FAAH2: variants seen among roughly 807,000 people sequenced by gnomAD.
The protein encoded by FAAH2 is fatty-acid amide hydrolase 2.
FAAH2 carries 60 observed loss-of-function variants against 36.9 expected under a neutral mutation model. That is an observed-to-expected ratio of 1.63 (90% CI 1.32 to 2.02). FAAH2 has a LOEUF of 2.02. Among genes scored for constraint, FAAH2 ranks in the 30% most tolerant of loss-of-function variants. The probability of loss-of-function intolerance (pLI) is 0.00; values close to 1 mark genes in which losing one functional copy is unlikely to be tolerated. For missense variants in FAAH2, 689 were observed against 397.5 expected, an observed-to-expected ratio of 1.73 and a Z score of -6.23; for synonymous variants, 214 against 143.8, an observed-to-expected ratio of 1.49 and a Z score of -3.49.
At chrX:57,139,841 C>A in the FAAH2 span, among the ~76,000 whole-genome samples, 2 of 111,581 alleles carry the variant, frequency 1.8e-5, no homozygotes, top group African/African-American at 6.5e-5. Flanking sequence ...CCATTCTGAT[C>A]CTTCTGTAGC....
the FAAH2 span, among the ~76,000 whole-genome samples, chrX:57,231,863 T>G: frequency 1.5e-4 from 17 of 111,665 alleles, no homozygotes; most frequent in South Asian, 7.5e-4. Context: ...CATTAGAGGT[T>G]GTAGGTTAAA....
chrX:57,170,343 A>G, the FAAH2 span, among the ~76,000 whole-genome samples: 1 of 111,947 alleles, frequency 8.9e-6, no homozygotes, highest in Admixed American at 9.5e-5. Context: ...CTATTGTATG[A>G]CTATACCAAT....
At chrX:57,359,009 A>G (rs1438032569) in intron 5 of FAAH2, among the ~76,000 whole-genome samples, 2 of 111,324 alleles carry the variant, frequency 1.8e-5, no homozygotes, top group Non-Finnish European at 3.8e-5. Flanking sequence ...CATCACCTGT[A>G]GCATTTATCC....
the FAAH2 span, among the ~76,000 whole-genome samples, chrX:57,201,577 G>T: frequency 8.9e-6 from 1 of 111,791 alleles, no homozygotes; most frequent in African/African-American, 3.3e-5. Flanking sequence ...AATTAATCTT[G>T]TGATTAAGTT....
the FAAH2 span, among the ~76,000 whole-genome samples, chrX:57,159,435 T>A: frequency 3.6e-5 from 4 of 111,777 alleles, no homozygotes; most frequent in East Asian, 5.6e-4. Flanking sequence ...TTGGGCATTA[T>A]GGCCATTTTC....
the FAAH2 span, among the ~76,000 whole-genome samples, chrX:57,246,856 C>A: frequency 9.0e-6 from 1 of 111,327 alleles, no homozygotes; most frequent in Admixed American, 9.6e-5. Flanking sequence ...TGCATCACTG[C>A]AATTTTTAGT....
At chrX:57,196,547 C>A in the FAAH2 span, among the ~76,000 whole-genome samples, 3 of 111,408 alleles carry the variant, frequency 2.7e-5, no homozygotes, top group East Asian at 5.6e-4. Context: ...TCTGGATACC[C>A]TTTATTTCTT....
the FAAH2 span, among the ~76,000 whole-genome samples, chrX:57,244,911 C>T: frequency 9.9e-5 from 11 of 110,924 alleles, no homozygotes; most frequent in South Asian, 4.2e-3. Flanking sequence ...GGTTAAATGC[C>T]CCAGTTAAAA....
intron 4 of FAAH2, among the ~76,000 whole-genome samples, chrX:57,337,396 A>C (rs1230946019): frequency 9.0e-6 from 1 of 111,397 alleles, no homozygotes. Flanking sequence ...TTTTTTTCTA[A>C]CTCATTTTAT....
intron 10 of FAAH2, among the ~76,000 whole-genome samples, chrX:57,471,066 CAAT>C (rs1434835654): frequency 8.9e-6 from 1 of 111,779 alleles, no homozygotes; most frequent in East Asian, 2.8e-4. Flanking sequence ...TAAAAACTCT[CAAT>C]AAATCAGATA....
the FAAH2 span, among the ~76,000 whole-genome samples, chrX:57,229,905 C>T: frequency 9.0e-6 from 1 of 111,647 alleles, no homozygotes; most frequent in African/African-American, 3.3e-5. Context: ...TTCAATATCC[C>T]TGTAGATAAG....
At chrX:57,247,993 G>C in the FAAH2 span, among the ~76,000 whole-genome samples, 1 of 112,042 alleles carries the variant, frequency 8.9e-6, no homozygotes, top group Non-Finnish European at 1.9e-5. Context: ...GAAATTTTCA[G>C]ATCATTTATT....
the FAAH2 span, among the ~76,000 whole-genome samples, chrX:57,149,823 G>T: frequency 9.0e-6 from 1 of 111,048 alleles, no homozygotes; most frequent in Admixed American, 9.6e-5. Flanking sequence ...GTTTGCTCTT[G>T]CTTTTCTACT....
chrX:57,465,940 A>C (rs1020885886), intron 10 of FAAH2, among the ~76,000 whole-genome samples: 1 of 109,839 alleles, frequency 9.1e-6, no homozygotes, highest in African/African-American at 3.3e-5. Flanking sequence ...TAACAAGAAA[A>C]TGACACTCAA....
rs2052472942 is a variant in FAAH2, at chrX:57,304,804, A to C, written c.276-5789A>C. Among the ~76,000 whole-genome samples, 6 of 111,842 alleles carry C rather than the reference A, an allele frequency of 5.4e-5. No homozygotes were observed. In the Admixed American group the frequency reaches 5.7e-4, roughly 11 times the overall value. On this transcript the variant is annotated intron_variant, in intron 2 of 10. Coordinates refer to ENST00000374900, the MANE Select transcript of FAAH2 (RefSeq NM_174912.4). Reference sequence around the variant, plus strand: ...TCTTTATCTCAGTTTCCTCATAATCATAATGAAGCAGTTGTTATGTACCTA... The same window carrying C: ...TCTTTATCTCAGTTTCCTCATAATCCTAATGAAGCAGTTGTTATGTACCTA...
At chrX:57,135,826 A>G in the FAAH2 span, 12 of 1,166,750 alleles carry the variant, frequency 1.0e-5, no homozygotes, top group Non-Finnish European at 1.4e-5. Context: ...AACAGTTAGG[A>G]CTTTTTCACC....
At chrX:57,447,750 G>A (rs1256934574) in intron 9 of FAAH2, among the ~76,000 whole-genome samples, 1 of 110,574 alleles carries the variant, frequency 9.0e-6, no homozygotes, top group East Asian at 2.9e-4. Context: ...GGCTCACACA[G>A]CAAGAGGGTC....
the FAAH2 span, among the ~76,000 whole-genome samples, chrX:57,230,433 C>T: frequency 2.7e-5 from 3 of 111,844 alleles, no homozygotes; most frequent in African/African-American, 9.7e-5. Context: ...GTATAATAAC[C>T]CAGGAATTCT....
the FAAH2 span, among the ~76,000 whole-genome samples, chrX:57,253,662 C>T: frequency 1.6e-3 from 181 of 111,370 alleles, no homozygotes; most frequent in African/African-American, 5.0e-3. Context: ...TCATATCCAG[C>T]CAAACTAAGC....
Sources: allele counts gnomAD v4.1 joint callset (sites outside exome capture counted in the v4.1 genomes callset), GRCh38; gene constraint gnomAD v4.1.1; transcripts MANE v1.5; gene names NCBI Gene and HGNC (gene_info 2026-07-23, HGNC 2026-07-21).